The following TTC7B variants were observed in gnomAD, a reference collection of about 807,000 sequenced individuals.
The protein encoded by TTC7B is tetratricopeptide repeat protein 7B.
In TTC7B, 28 loss-of-function variants were observed where a neutral mutation model predicts 106.8. That is an observed-to-expected ratio of 0.26 (90% CI 0.19 to 0.36). The LOEUF is 0.36. Ranked by LOEUF, TTC7B falls within the 10% of genes least tolerant of loss-of-function variation. TTC7B has a pLI of 1.00. For synonymous variants in TTC7B, 405 were observed against 430.6 expected (o/e 0.94, Z 0.74); for missense variants, 862 against 1,076.4 (o/e 0.80, Z 2.79).
intron 1 of TTC7B, among the ~76,000 whole-genome samples, chr14:90,786,634 C>A (rs989478862): frequency 3.9e-5 from 6 of 151,934 alleles, no homozygotes; most frequent in Non-Finnish European, 8.8e-5. Flanking sequence ...GGCTGGAGTG[C>A]AATAGCACGA....
intron 3 of TTC7B, among the ~76,000 whole-genome samples, chr14:90,748,486 C>T (rs1470462706): frequency 6.6e-6 from 1 of 152,020 alleles, no homozygotes; most frequent in Non-Finnish European, 1.5e-5. Flanking sequence ...CACCACCACA[C>T]ATGGCTAATT....
rs1168848444 is a variant in TTC7B at position 90,764,136 on chromosome 14, G to C, written c.445+16602C>G. On this transcript the variant is annotated intron_variant, in intron 3 of 19. Transcript: ENST00000328459. ...CATACAGACCAGTGGTACAGACAGA[G>C]AGTCCAGAAATAAACACTTACATAT... 2.6e-5 allele frequency among the ~76,000 whole-genome samples: 4 copies of C among 152,094 alleles called. No homozygotes were observed. In the South Asian group the frequency reaches 6.2e-4, roughly 24 times the overall value.
intron 15 of TTC7B, among the ~76,000 whole-genome samples, chr14:90,631,055 C>T (rs1395584251): frequency 1.3e-5 from 2 of 152,146 alleles, no homozygotes; most frequent in Non-Finnish European, 2.9e-5. Flanking sequence ...AGGATGGTCT[C>T]GATCTCCTGA....
At chr14:90,792,648 T>C (rs1345982923) in intron 1 of TTC7B, among the ~76,000 whole-genome samples, 2 of 152,004 alleles carry the variant, frequency 1.3e-5, no homozygotes, top group African/African-American at 4.8e-5. Context: ...GAAAAAAGTT[T>C]TTCCTCAGAA....
rs189553981 is a variant in TTC7B at position 90,630,083 on chromosome 14, G to A, written c.1752-12038C>T. ...GCTGTCTCCAACCCCGGAGAAAGGA[G>A]GATCCTCTCATAAACAAACGTGGCT... On this transcript the variant is annotated intron_variant, in intron 15 of 19. Coordinates refer to ENST00000328459, the MANE Select transcript of TTC7B (RefSeq NM_001010854.2). Among the ~76,000 whole-genome samples the A allele has an allele frequency of 2.0e-3, 311 of 152,310 alleles. 1 individual carries two copies. The highest frequency in any genetic ancestry group is 3.9e-3 in the Non-Finnish European group (264 of 68,018).
intron 12 of TTC7B, among the ~76,000 whole-genome samples, chr14:90,653,292 C>T (rs544861251): frequency 6.6e-6 from 1 of 152,292 alleles, no homozygotes; most frequent in South Asian, 2.1e-4. Context: ...TTGCAAGCAC[C>T]GGCAGTGTTG....
At chr14:90,648,115 A>C (rs927410104) in intron 13 of TTC7B, among the ~76,000 whole-genome samples, 2 of 152,108 alleles carry the variant, frequency 1.3e-5, no homozygotes, top group African/African-American at 4.8e-5. Flanking sequence ...AAATATGCTA[A>C]ATTCACTAAT....
In TTC7B at chr14:90,577,501, G is replaced by A. The variant is rs954837089; in HGVS notation, c.2310+605C>T. On this transcript the variant is annotated intron_variant, in intron 19 of 19. Transcript: ENST00000328459. The surrounding 1 kb of genome is among the most constrained non-coding windows in gnomAD (Gnocchi z 5.0). ...CAGGCTTTTGGCCCAGGCTGTAGAC[G>A]AAGGATGTGCACTCGTTGAGCGCCG... 3.9e-5 allele frequency among the ~76,000 whole-genome samples: 6 copies of A among 152,190 alleles called. No individual in the cohort carries two copies. The highest frequency in any genetic ancestry group is 9.7e-5 in the African/African-American group (4 of 41,450).
chr14:90,541,971 G>A (rs569488281), intron 19 of TTC7B, among the ~76,000 whole-genome samples: 1 of 152,208 alleles, frequency 6.6e-6, no homozygotes, highest in Non-Finnish European at 1.5e-5. Context: ...ATGGAGTCTC[G>A]CTCTGTCATC....
At chr14:90,673,226 A>G (rs889400000) in intron 9 of TTC7B, among the ~76,000 whole-genome samples, 2 of 152,228 alleles carry the variant, frequency 1.3e-5, no homozygotes, top group African/African-American at 4.8e-5. Flanking sequence ...CAATTTATTC[A>G]TAAAGACAGA....
At chr14:90,605,447 C>T (rs563393484) in intron 17 of TTC7B, 1 of 651,092 alleles carries the variant, frequency 1.5e-6, no homozygotes, top group Admixed American at 5.0e-5. Flanking sequence ...TTCCTTCTGC[C>T]CCAAACAGCT....
At chr14:90,652,544 C>CT (rs1391837239) in intron 13 of TTC7B, among the ~76,000 whole-genome samples, 1 of 150,370 alleles carries the variant, frequency 6.7e-6, no homozygotes, top group Non-Finnish European at 1.5e-5. Flanking sequence ...TGACAAATGT[C>CT]TTTAATAAAG....
chr14:90,548,130 T>C (rs769395671), intron 19 of TTC7B, among the ~76,000 whole-genome samples: 29 of 152,238 alleles, frequency 1.9e-4, no homozygotes, highest in Non-Finnish European at 4.3e-4. Context: ...CAGGCTCCCC[T>C]GCCGGTAGTG....
intron 9 of TTC7B, among the ~76,000 whole-genome samples, chr14:90,673,185 C>T (rs1017384991): frequency 3.9e-4 from 60 of 152,214 alleles, no homozygotes; most frequent in African/African-American, 1.4e-3. Context: ...GTGCAAGATA[C>T]TGTCCCATTC....
rs575533930 is a variant in TTC7B at position 90,535,454 on chromosome 14, CCTG to C, written c.*5911_*5913del. Reference sequence around the variant, plus strand: ...TTGGGGGTACCCAGGCCTCTGCCTCCCTGCTGCTGCTGCTCTGGGGAACCACCA... The same window carrying C: ...TTGGGGGTACCCAGGCCTCTGCCTCCCTGCTGCTGCTCTGGGGAACCACCA... On this transcript the variant is annotated 3_prime_UTR_variant, in exon 20 of 20. Transcript: ENST00000328459. 9.4e-4 allele frequency: 144 copies of C among 152,778 alleles called. 6 individuals are homozygous for C. In the South Asian group the frequency reaches 0.029, roughly 31 times the overall value. 9.5% of individuals were successfully genotyped at this position (152,778 alleles called of 1,614,324 possible).
chr14:90,810,586 C>G (rs2030845369), intron 1 of TTC7B, among the ~76,000 whole-genome samples: 1 of 152,234 alleles, frequency 6.6e-6, no homozygotes, highest in Non-Finnish European at 1.5e-5. Context: ...ATTAGCCCTT[C>G]CTTCAAAGGA....
In TTC7B at chr14:90,627,599, G is replaced by A. The variant is rs567681789; in HGVS notation, c.1752-9554C>T. On this transcript the variant is annotated intron_variant, in intron 15 of 19. Coordinates refer to ENST00000328459, the MANE Select transcript of TTC7B (RefSeq NM_001010854.2). ...CAGCGCTAGGGCCTGGGCCGTGGCC[G>A]TCCCGGGTGGTTTGGCTGCGCCTCT... Among the ~76,000 whole-genome samples, 9 of 152,290 alleles carry A rather than the reference G, an allele frequency of 5.9e-5. No individual in the cohort carries two copies. In the East Asian group the frequency reaches 1.2e-3, roughly 20 times the overall value.
In TTC7B at chr14:90,742,075, T is replaced by C. The variant is rs535594091; in HGVS notation, c.576+2717A>G. 9.9e-5 allele frequency among the ~76,000 whole-genome samples: 15 copies of C among 152,244 alleles called. No homozygotes were observed. The highest frequency in any genetic ancestry group is 7.7e-4 in the East Asian group (4 of 5,176). ...TACTTGGTCAAATAAAACATATTTA[T>C]TGACTTTTTTTTTTAAGTGCAGTGG... is the stretch of plus-strand genomic sequence containing the variant. On this transcript the variant is annotated intron_variant, in intron 4 of 19. Transcript: ENST00000328459. The surrounding 1 kb of genome is among the most constrained non-coding windows in gnomAD (Gnocchi z 4.1).
intron 3 of TTC7B, among the ~76,000 whole-genome samples, chr14:90,771,564 C>T (rs1228856793): frequency 6.6e-6 from 1 of 152,068 alleles, no homozygotes; most frequent in East Asian, 1.9e-4. Context: ...TGCGCCACTG[C>T]ACTCCAACCT....
Sources: allele counts gnomAD v4.1 joint callset (sites outside exome capture counted in the v4.1 genomes callset), GRCh38; gene constraint gnomAD v4.1.1; non-coding constraint Gnocchi (gnomAD v3.1); transcripts MANE v1.5; gene names NCBI Gene and HGNC (gene_info 2026-07-23, HGNC 2026-07-21).